The following SMIM41 variants were observed in gnomAD, a reference collection of about 807,000 sequenced individuals.
SMIM41 encodes the protein small integral membrane protein 41.
At chr12:52,103,495 G>A (rs1200987609) in intron 2 of SMIM41, among the ~76,000 whole-genome samples, 1 of 151,928 alleles carries the variant, frequency 6.6e-6, no homozygotes, top group Non-Finnish European at 1.5e-5. Context: ...TCAGTGGCTT[G>A]CACCTGTAAC....
chr12:52,079,741 C>G lies in SMIM41; in HGVS notation c.-39C>G. On this transcript the variant is annotated 5_prime_UTR_variant, in exon 1 of 3. In the 5' UTR this introduces an upstream ATG that the reference lacks. Coordinates refer to ENST00000546390, the MANE Select transcript of SMIM41 (RefSeq NM_001369216.1). ...CCCGCCAGTCTGGGCTCCTGCACAT[C>G]TGGCGATCCCGCCACATCTGGGCAG... 1 of 392,382 alleles carries G rather than the reference C, an allele frequency of 2.5e-6. No homozygotes were observed. Among genetic ancestry groups the G allele is most frequent in the Non-Finnish European group, 4.5e-6 (1 of 221,924 alleles). The allele number at this position is 392,382 out of a possible 1,614,324, so 24.3% of individuals were successfully genotyped here.
At chr12:52,100,334 T>C (rs997763038) in intron 2 of SMIM41, among the ~76,000 whole-genome samples, 3 of 151,964 alleles carry the variant, frequency 2.0e-5, no homozygotes, top group Non-Finnish European at 4.4e-5. Flanking sequence ...TTAGACACAA[T>C]ATCACAAAAA....
At position 52,080,015 on chromosome 12, in the gene SMIM41, C is replaced by T. The variant is rs1023212200; in HGVS notation, c.236C>T (p.Pro79Leu). Residue 79 changes from proline to leucine, a missense_variant, in exon 1 of 3, where the codon CCC (proline) becomes CTC (leucine). Physicochemically the swap from Pro to Leu is moderately conservative, Grantham distance 98. Coordinates refer to ENST00000546390, the MANE Select transcript of SMIM41 (RefSeq NM_001369216.1). ...LTREQRASRE[P>L]EPGSASGEDG... ...CGCGAGCAGCGCGCGTCCCGCGAGC[C>T]CGAGCCGGGCAGTGCCAGCGGAGAG... 3.0e-5 allele frequency: 11 copies of T among 372,604 alleles called. No homozygotes were observed. The highest frequency in any genetic ancestry group is 4.8e-5 in the Non-Finnish European group (10 of 209,240). The allele number at this position is 372,604 out of a possible 1,614,324, so 23.1% of individuals were successfully genotyped here. A position where few individuals can be genotyped will look rare whatever the true frequency, so the allele number is the denominator to read the frequency against.
chr12:52,103,209 C>T (rs57987959), intron 2 of SMIM41, among the ~76,000 whole-genome samples: 5,332 of 151,990 alleles, frequency 0.035, 232 homozygotes, highest in East Asian at 0.16. Flanking sequence ...TGCCTATAGT[C>T]CCAGCTACTC....
At chr12:52,098,510 TGG>T (rs34282492) in intron 2 of SMIM41, among the ~76,000 whole-genome samples, 68,193 of 147,134 alleles carry the variant, frequency 0.46, 16,933 homozygotes, top group East Asian at 0.79. Context: ...AACAATATCG[TGG>T]GGGGGGGGGG....
At chr12:52,092,870 T>G (rs7960724) in intron 2 of SMIM41, among the ~76,000 whole-genome samples, 1,908 of 152,314 alleles carry the variant, frequency 0.013, 42 homozygotes, top group African/African-American at 0.044. Flanking sequence ...AAAACTCTTT[T>G]AAAGAGTGAT....
At chr12:52,092,857 T>A (rs1029671935) in intron 2 of SMIM41, among the ~76,000 whole-genome samples, 25 of 152,316 alleles carry the variant, frequency 1.6e-4, no homozygotes, top group Non-Finnish European at 2.8e-4. Flanking sequence ...AGTAGTTTTT[T>A]AAAAAACTCT....
intron 2 of SMIM41, among the ~76,000 whole-genome samples, chr12:52,095,399 G>C (rs1253858863): frequency 6.6e-6 from 1 of 151,920 alleles, no homozygotes; most frequent in East Asian, 1.9e-4. Flanking sequence ...TGGTCCCATA[G>C]CGTGTTTACG....
At chr12:52,098,743 G>A (rs1314297030) in intron 2 of SMIM41, among the ~76,000 whole-genome samples, 1 of 151,344 alleles carries the variant, frequency 6.6e-6, no homozygotes, top group Admixed American at 6.6e-5. Context: ...ACGGGGGGGG[G>A]GGTGTACTGC....
intron 2 of SMIM41, among the ~76,000 whole-genome samples, chr12:52,101,833 C>T (rs7294721): frequency 0.043 from 6,573 of 152,192 alleles, 152 homozygotes; most frequent in South Asian, 0.074. Context: ...CTGCCTCCAC[C>T]TCCCGAGTAG....
chr12:52,106,327 G>A (rs181093908), intron 2 of SMIM41, among the ~76,000 whole-genome samples: 213 of 152,180 alleles, frequency 1.4e-3, no homozygotes, highest in Admixed American at 2.9e-3. Context: ...GTGTGACTTC[G>A]ACTTACGTGA....
At position 52,107,809 on chromosome 12, in the gene SMIM41, C is replaced by A. The variant is rs1168140057; in HGVS notation, c.*626C>A. On this transcript the variant is annotated 3_prime_UTR_variant, in exon 3 of 3. Coordinates refer to ENST00000546390, the MANE Select transcript of SMIM41 (RefSeq NM_001369216.1). The stretch of plus-strand genomic sequence containing the variant: ...TTTTCTCAGTCTTTTAGACTCCCAG[C>A]TGTACAACTTGATTGCCTTACTAAT... 8.1e-6 allele frequency: 3 copies of A among 368,774 alleles called. No homozygotes were observed. The highest frequency in any genetic ancestry group is 1.6e-5 in the Non-Finnish European group (3 of 190,400). 22.8% of individuals were successfully genotyped at this position (368,774 alleles called of 1,614,324 possible). A position where few individuals can be genotyped will look rare whatever the true frequency, so the allele number is the denominator to read the frequency against.
At chr12:52,099,508 CG>C (rs1288315878) in intron 2 of SMIM41, among the ~76,000 whole-genome samples, 5 of 151,914 alleles carry the variant, frequency 3.3e-5, no homozygotes, top group Admixed American at 3.3e-4. Context: ...AACAGTATCA[CG>C]GGGTGGGGGG....
intron 2 of SMIM41, among the ~76,000 whole-genome samples, chr12:52,093,113 G>T (rs569157520): frequency 5.3e-5 from 8 of 152,234 alleles, no homozygotes; most frequent in Middle Eastern, 3.4e-3. Flanking sequence ...CAGGAGAATC[G>T]CTTGAACCCG....
rs549497688 is a variant in SMIM41 at position 52,091,444 on chromosome 12, A to G, written c.*195+7476A>G. On this transcript the variant is annotated intron_variant, in intron 2 of 2. Transcript: ENST00000546390. The stretch of plus-strand genomic sequence containing the variant: ...CTATGTGAACTCTCCTCTTTTCATG[A>G]CTTTGAACCCATTCCTTGCAAATAA... Among the ~76,000 whole-genome samples, 4 of 152,256 alleles carry G rather than the reference A, an allele frequency of 2.6e-5. No homozygotes were observed. The South Asian group carries it at 6.2e-4, about 24-fold the overall frequency.
At chr12:52,085,876 T>C (rs1939885256) in intron 2 of SMIM41, among the ~76,000 whole-genome samples, 1 of 152,146 alleles carries the variant, frequency 6.6e-6, no homozygotes, top group South Asian at 2.1e-4. Context: ...CCGCTGCTGA[T>C]GGGGCCATGG....
intron 2 of SMIM41, chr12:52,087,462 C>G (rs901915122): frequency 6.5e-6 from 1 of 152,808 alleles, no homozygotes; most frequent in African/African-American, 2.4e-5. Context: ...CCAGCCTGGC[C>G]TCCACCCGGC....
chr12:52,104,443 T>A (rs1231067710), intron 2 of SMIM41: 1 of 172,290 alleles, frequency 5.8e-6, no homozygotes, highest in Non-Finnish European at 1.2e-5. Context: ...GAGGATGGAG[T>A]CTGAGCCTCC....
intron 2 of SMIM41, among the ~76,000 whole-genome samples, chr12:52,107,056 T>C (rs1378057507): frequency 6.6e-6 from 1 of 152,254 alleles, no homozygotes; most frequent in African/African-American, 2.4e-5. Flanking sequence ...GAATTTGTTA[T>C]TTATGATGAT....
Sources: allele counts gnomAD v4.1 joint callset (sites outside exome capture counted in the v4.1 genomes callset), GRCh38; gene constraint gnomAD v4.1.1; transcripts MANE v1.5; gene names NCBI Gene and HGNC (gene_info 2026-07-23, HGNC 2026-07-21).